Variants in B3GAT2 observed in about 807,000 individuals in gnomAD.
B3GAT2 encodes galactosylgalactosylxylosylprotein 3-beta-glucuronosyltransferase 2.
A neutral mutation model predicts 27.8 loss-of-function variants in B3GAT2; 26 were observed. The observed-to-expected ratio is 0.93, with a 90% CI of 0.68 to 1.30. The LOEUF (loss-of-function observed/expected upper bound fraction) is 1.30, where lower values mean the gene tolerates loss of function less well. B3GAT2 is among the 50% of genes most tolerant of loss of function. The pLI, the probability that B3GAT2 is intolerant of heterozygous loss-of-function variation, is 0.00. For missense variants in B3GAT2, 458 were observed against 459.0 expected, an observed-to-expected ratio of 1.00 and a Z score of 0.02; for synonymous variants, 218 against 195.1, an observed-to-expected ratio of 1.12 and a Z score of -0.98.
At chr6:70,877,705 G>T (rs1272986485) in intron 2 of B3GAT2, among the ~76,000 whole-genome samples, 2 of 152,184 alleles carry the variant, frequency 1.3e-5, no homozygotes, top group Non-Finnish European at 2.9e-5. Context: ...CAAGGCACCT[G>T]CCTGTAAGAC....
intron 1 of B3GAT2, among the ~76,000 whole-genome samples, chr6:70,900,220 T>C (rs1215603358): frequency 6.6e-6 from 1 of 152,184 alleles, no homozygotes; most frequent in Non-Finnish European, 1.5e-5. Context: ...GTAATCTCCA[T>C]AGACCCAATG....
chr6:70,878,527 C>T (rs920130453), intron 2 of B3GAT2, among the ~76,000 whole-genome samples: 1 of 152,188 alleles, frequency 6.6e-6, no homozygotes, highest in African/African-American at 2.4e-5. Context: ...TCTTTATTGT[C>T]CATCTCCATC....
At chr6:70,900,432 G>T (rs1451052169) in intron 1 of B3GAT2, among the ~76,000 whole-genome samples, 3 of 150,824 alleles carry the variant, frequency 2.0e-5, no homozygotes, top group East Asian at 1.9e-4. Context: ...TTGAGTCAGG[G>T]TCTCCTCTGT....
chr6:70,866,150 T>C (rs1043268324), intron 2 of B3GAT2, among the ~76,000 whole-genome samples: 9 of 152,090 alleles, frequency 5.9e-5, no homozygotes, highest in African/African-American at 2.2e-4. Context: ...AGCAGGTGAA[T>C]CAATTACTGG....
rs1390489947 is a variant in B3GAT2 at position 70,856,759 on chromosome 6, G to T, written c.*4904C>A. 9.7e-6 allele frequency: 12 copies of T among 1,235,508 alleles called. No individual in the cohort carries two copies. The highest frequency in any genetic ancestry group is 1.3e-5 in the Non-Finnish European group (12 of 907,720). 76.5% of individuals were successfully genotyped at this position (1,235,508 alleles called of 1,614,324 possible). A position where few individuals can be genotyped will look rare whatever the true frequency, so the allele number is the denominator to read the frequency against. The stretch of plus-strand genomic sequence containing the variant: ...ACCATTTTACCTTCTACAATTGTTT[G>T]ATTCCTATCTAATTTTATAACTTTA... On this transcript the variant is annotated 3_prime_UTR_variant, in exon 4 of 4. Transcript: ENST00000230053.
At chr6:70,911,834 T>C (rs1021699422) in intron 1 of B3GAT2, among the ~76,000 whole-genome samples, 2 of 152,206 alleles carry the variant, frequency 1.3e-5, no homozygotes, top group African/African-American at 4.8e-5. Context: ...CAGCACTGTT[T>C]TGTAATTCTC....
intron 2 of B3GAT2, among the ~76,000 whole-genome samples, chr6:70,865,564 G>A (rs1308837495): frequency 2.6e-5 from 4 of 152,188 alleles, no homozygotes; most frequent in East Asian, 1.9e-4. Context: ...GGACTTGAGC[G>A]TCCATGGATT....
chr6:70,860,432 T>C lies in B3GAT2; in HGVS notation c.*1231A>G, dbSNP rs1771667497. Reference sequence around the variant, plus strand: ...TATTCATATGCATATTTTTTTTCTTTTTACCCATTTGTTCATATTAAGAAT... The same window carrying C: ...TATTCATATGCATATTTTTTTTCTTCTTACCCATTTGTTCATATTAAGAAT... On this transcript the variant is annotated 3_prime_UTR_variant, in exon 4 of 4. Transcript: ENST00000230053. 12 of 1,417,022 alleles carry C rather than the reference T, an allele frequency of 8.5e-6. No individual in the cohort carries two copies. Among genetic ancestry groups the C allele is most frequent in the Non-Finnish European group, 1.0e-5 (11 of 1,053,998 alleles). The allele number at this position is 1,417,022 out of a possible 1,614,324, so 87.8% of individuals were successfully genotyped here.
At chr6:70,943,073 G>A (rs567118798) in intron 1 of B3GAT2, among the ~76,000 whole-genome samples, 11 of 152,140 alleles carry the variant, frequency 7.2e-5, no homozygotes, top group South Asian at 2.1e-4. Flanking sequence ...AAACTACTGC[G>A]TTTTTAGTTG....
intron 1 of B3GAT2, among the ~76,000 whole-genome samples, chr6:70,931,485 T>C (rs1343464727): frequency 6.6e-6 from 1 of 152,156 alleles, no homozygotes; most frequent in East Asian, 1.9e-4. Flanking sequence ...AAACCAGCTA[T>C]ATTTGGGCAG....
intron 2 of B3GAT2, among the ~76,000 whole-genome samples, chr6:70,869,268 G>A (rs1771898030): frequency 6.6e-6 from 1 of 152,124 alleles, no homozygotes; most frequent in Non-Finnish European, 1.5e-5. Flanking sequence ...TCCTGCCTCA[G>A]CCTCCTGAGT....
intron 2 of B3GAT2, among the ~76,000 whole-genome samples, chr6:70,864,076 T>C (rs1771811371): frequency 6.6e-6 from 1 of 151,170 alleles, no homozygotes; most frequent in Admixed American, 6.6e-5. Flanking sequence ...TTTTTTTTTT[T>C]TTTTTTTAAA....
intron 1 of B3GAT2, among the ~76,000 whole-genome samples, chr6:70,908,473 T>A (rs1408539429): frequency 6.6e-6 from 1 of 152,182 alleles, no homozygotes; most frequent in African/African-American, 2.4e-5. Context: ...AAGTACAGCA[T>A]TTATGAGAAT....
In B3GAT2 at chr6:70,860,668, G is replaced by C; in HGVS notation, c.*995C>G. 1 of 416,852 alleles carries C rather than the reference G, an allele frequency of 2.4e-6. No homozygotes were observed. The highest frequency in any genetic ancestry group is 3.5e-5 in the East Asian group (1 of 28,834). The allele number at this position is 416,852 out of a possible 1,614,324, so 25.8% of individuals were successfully genotyped here. On this transcript the variant is annotated 3_prime_UTR_variant, in exon 4 of 4. Transcript: ENST00000230053. ...TGCATATAAGGGAAGTAGTTATCAT[G>C]TTAGTAATACCTCTAATAGTATAAA...
At chr6:70,906,181 C>CG (rs1213393527) in intron 1 of B3GAT2, among the ~76,000 whole-genome samples, 4 of 152,248 alleles carry the variant, frequency 2.6e-5, no homozygotes, top group African/African-American at 9.6e-5. Context: ...ATTCTTCTCA[C>CG]GGAGAATGGG....
In B3GAT2 at chr6:70,860,965, GATCTCTTCT is replaced by G. The variant is rs1771696341; in HGVS notation, c.*689_*697del. The G allele has an allele frequency of 2.9e-6, 1 of 346,766 alleles. No individual in the cohort carries two copies. Among genetic ancestry groups the G allele is most frequent in the African/African-American group, 2.1e-5 (1 of 47,576 alleles). 21.5% of individuals were successfully genotyped at this position (346,766 alleles called of 1,614,324 possible). On this transcript the variant is annotated 3_prime_UTR_variant, in exon 4 of 4. Coordinates refer to ENST00000230053, the MANE Select transcript of B3GAT2 (RefSeq NM_080742.3). ...TTTTATCTGCCTCTCTTGTAATTTG[GATCTCTTCT>G]TAATGTACATAGTGCTAACATGAAG...
At chr6:70,951,984 TAA>T (rs1321179396) in intron 1 of B3GAT2, among the ~76,000 whole-genome samples, 1 of 152,060 alleles carries the variant, frequency 6.6e-6, no homozygotes, top group Non-Finnish European at 1.5e-5. Flanking sequence ...TCAGGAAACA[TAA>T]ATAGAAGTAC....
intron 2 of B3GAT2, among the ~76,000 whole-genome samples, chr6:70,869,525 C>G (rs1771901642): frequency 6.6e-6 from 1 of 152,150 alleles, no homozygotes; most frequent in Non-Finnish European, 1.5e-5. Flanking sequence ...AGTCTTCTGA[C>G]CCATAACAAT....
rs1771537502 is a variant in B3GAT2 at position 70,858,392 on chromosome 6, AGTT to A, written c.*3268_*3270del. 2 of 598,056 alleles carry A rather than the reference AGTT, an allele frequency of 3.3e-6. No individual in the cohort carries two copies. Among genetic ancestry groups the A allele is most frequent in the Admixed American group, 3.8e-5 (1 of 26,640 alleles). The allele number at this position is 598,056 out of a possible 1,614,324, so 37.0% of individuals were successfully genotyped here. A position where few individuals can be genotyped will look rare whatever the true frequency, so the allele number is the denominator to read the frequency against. On this transcript the variant is annotated 3_prime_UTR_variant, in exon 4 of 4. Coordinates refer to ENST00000230053, the MANE Select transcript of B3GAT2 (RefSeq NM_080742.3). Reference sequence around the variant, plus strand: ...TCAAAAGTATCTATAAATATTATGAAGTTGTATCAGATAGACAAATGATGTGTT... The same window carrying A: ...TCAAAAGTATCTATAAATATTATGAAGTATCAGATAGACAAATGATGTGTT...
Sources: gnomAD v4.1 joint callset for allele counts (sites outside exome capture counted in the v4.1 genomes callset) on GRCh38, gnomAD v4.1.1 for gene constraint, MANE v1.5 for transcripts, NCBI Gene and HGNC (gene_info 2026-07-23, HGNC 2026-07-21) for gene names.